Variants in DGKB observed in about 807,000 individuals in gnomAD.
DGKB encodes 90 kDa diacylglycerol kinase.
A neutral mutation model predicts 114.3 loss-of-function variants in DGKB; 67 were observed. The ratio of observed to expected loss-of-function variants is 0.59; its 90% CI spans 0.48 to 0.72. DGKB has a LOEUF of 0.72. Among genes scored for constraint, DGKB ranks in the 30% least tolerant of loss-of-function variants. The pLI, the probability that DGKB is intolerant of heterozygous loss-of-function variation, is 0.00. For missense variants in DGKB, 907 were observed against 975.2 expected, an observed-to-expected ratio of 0.93 and a Z score of 0.93; for synonymous variants, 398 against 323.1, an observed-to-expected ratio of 1.23 and a Z score of -2.49.
chr7:14,644,679 G>C (rs975507580), intron 13 of DGKB, among the ~76,000 whole-genome samples: 1 of 152,084 alleles, frequency 6.6e-6, no homozygotes, highest in African/African-American at 2.4e-5. Context: ...TTTTTAAAAA[G>C]AGTGAAGAAA....
At chr7:14,701,642 C>T (rs776659568) in intron 7 of DGKB, 39 bp downstream of exon 7, 5 of 1,458,508 alleles carry the variant, frequency 3.4e-6, no homozygotes, top group Non-Finnish European at 4.8e-6. Context: ...AGAAGAAAAT[C>T]TTTGAAGTTT....
intron 23 of DGKB, among the ~76,000 whole-genome samples, chr7:14,224,346 T>A (rs1470817057): frequency 6.6e-6 from 1 of 152,082 alleles, no homozygotes; most frequent in South Asian, 2.1e-4. Context: ...AAATAGTTTC[T>A]ATTTTTATGT....
At chr7:14,893,938 G>A (rs189784459) in intron 1 of DGKB, among the ~76,000 whole-genome samples, 8 of 151,014 alleles carry the variant, frequency 5.3e-5, no homozygotes, top group African/African-American at 4.9e-5. Context: ...TGTCAAAATC[G>A]GGTTCTGTTC....
At chr7:14,186,626 CATCA>C (rs1456334787) in intron 23 of DGKB, among the ~76,000 whole-genome samples, 1 of 152,162 alleles carries the variant, frequency 6.6e-6, no homozygotes, top group Non-Finnish European at 1.5e-5. Flanking sequence ...CCCAAATGCC[CATCA>C]ATCAAAGAGT....
At chr7:14,303,422 T>C (rs756825728) in intron 23 of DGKB, among the ~76,000 whole-genome samples, 1 of 152,188 alleles carries the variant, frequency 6.6e-6, no homozygotes, top group Non-Finnish European at 1.5e-5. Context: ...TAGCCTTAAA[T>C]TAATAAACTA....
rs554864995 is a variant in DGKB, at chr7:14,520,754, A to T, written c.1771-42529T>A. On this transcript the variant is annotated intron_variant, in intron 20 of 25. Transcript: ENST00000402815. ...TGTGAAACAGTAAATGGTTTCTAAT[A>T]GAAAATGTTCCACAAGTGCTTGAAC... Among the ~76,000 whole-genome samples the T allele has an allele frequency of 1.6e-4, 24 of 152,214 alleles. No individual in the cohort carries two copies. The South Asian group carries it at 5.0e-3, about 32-fold the overall frequency.
chr7:14,351,963 A>C (rs1184004832), intron 21 of DGKB, among the ~76,000 whole-genome samples: 1 of 152,202 alleles, frequency 6.6e-6, no homozygotes, highest in Non-Finnish European at 1.5e-5. Flanking sequence ...CACAGCTATA[A>C]TCACTGCAGT....
intron 1 of DGKB, among the ~76,000 whole-genome samples, chr7:14,943,673 A>C (rs1486368701): frequency 7.3e-6 from 1 of 137,902 alleles, no homozygotes; most frequent in Non-Finnish European, 1.6e-5. Flanking sequence ...CTGTGTTTCC[A>C]CAGTAGCTAC....
intron 17 of DGKB, among the ~76,000 whole-genome samples, chr7:14,585,138 C>T (rs985958561): frequency 2.6e-5 from 4 of 152,060 alleles, no homozygotes; most frequent in African/African-American, 4.8e-5. Flanking sequence ...ATATTTAGAA[C>T]AGGAAACTTT....
rs555832793 is a variant in DGKB at position 14,170,205 on chromosome 7, T to G, written c.2304+6634A>C. Among the ~76,000 whole-genome samples the G allele has an allele frequency of 5.8e-3, 762 of 131,160 alleles. 1 individual carries two copies. The highest frequency in any genetic ancestry group is 9.9e-3 in the Non-Finnish European group (570 of 57,416). 86.0% of individuals were successfully genotyped at this position (131,160 alleles called of 152,430 possible). A position where few individuals can be genotyped will look rare whatever the true frequency, so the allele number is the denominator to read the frequency against. On this transcript the variant is annotated intron_variant, in intron 25 of 25. Transcript: ENST00000402815. ...AGAAAGAAAGAAAGAAAGAAAGAAATACATTAAGCCTCTGAAGAGTGACTG... is the reference window on the plus strand; with the variant it reads ...AGAAAGAAAGAAAGAAAGAAAGAAAGACATTAAGCCTCTGAAGAGTGACTG...
intron 21 of DGKB, among the ~76,000 whole-genome samples, chr7:14,461,424 C>T (rs1051695131): frequency 6.6e-6 from 1 of 151,734 alleles, no homozygotes; most frequent in African/African-American, 2.4e-5. Flanking sequence ...AAGGGGATAT[C>T]AGCACTGATC....
intron 13 of DGKB, among the ~76,000 whole-genome samples, chr7:14,666,107 GCTT>G (rs979615685): frequency 2.0e-5 from 3 of 151,870 alleles, no homozygotes; most frequent in Non-Finnish European, 2.9e-5. Context: ...TTAATTATAA[GCTT>G]CTTAAGTACC....
At chr7:14,682,516 G>A (rs756913383) in intron 12 of DGKB, 37 bp downstream of exon 12, 2 of 1,392,748 alleles carry the variant, frequency 1.4e-6, no homozygotes, top group African/African-American at 1.4e-5. Context: ...CTTCAGTGTG[G>A]GTGAATGCTG....
At chr7:14,744,689 C>T (rs1163293179) in intron 4 of DGKB, among the ~76,000 whole-genome samples, 1 of 152,094 alleles carries the variant, frequency 6.6e-6, no homozygotes, top group Non-Finnish European at 1.5e-5. Context: ...AACTGTCAGG[C>T]CAAGTATAAG....
chr7:14,565,904 C>T lies in DGKB; in HGVS notation c.1770+8308G>A, dbSNP rs190953093. ...AACTGAGCTTCCTTTAAGTGAGCAG[C>T]CAGATTAATATTTTTTCTTCATAAA... On this transcript the variant is annotated intron_variant, in intron 20 of 25. Transcript: ENST00000402815. 8.3e-4 allele frequency among the ~76,000 whole-genome samples: 127 copies of T among 152,110 alleles called. 1 individual carries two copies. Among genetic ancestry groups the T allele is most frequent in the African/African-American group, 2.9e-3 (120 of 41,498 alleles).
intron 23 of DGKB, among the ~76,000 whole-genome samples, chr7:14,268,263 C>T (rs902732212): frequency 6.6e-6 from 1 of 152,014 alleles, no homozygotes; most frequent in Non-Finnish European, 1.5e-5. Flanking sequence ...TCAAATATTT[C>T]TCTCACATCA....
chr7:14,957,289 GAAGA>G (rs1332303234), intron 1 of DGKB, among the ~76,000 whole-genome samples: 1 of 151,924 alleles, frequency 6.6e-6, no homozygotes, highest in East Asian at 1.9e-4. Flanking sequence ...GATACACCAA[GAAGA>G]AAGACTTAGA....
chr7:14,970,214 A>G (rs1787376896), intron 1 of DGKB, among the ~76,000 whole-genome samples: 1 of 152,164 alleles, frequency 6.6e-6, no homozygotes, highest in African/African-American at 2.4e-5. Context: ...CAATGATGAT[A>G]ATGACGATGA....
At chr7:14,584,646 CT>C (rs1036340906) in intron 17 of DGKB, among the ~76,000 whole-genome samples, 1 of 151,726 alleles carries the variant, frequency 6.6e-6, no homozygotes, top group Admixed American at 6.6e-5. Context: ...ATTGAATTGC[CT>C]TTTTATTTTT....
Sources: gnomAD v4.1 joint callset for allele counts (sites outside exome capture counted in the v4.1 genomes callset) on GRCh38, gnomAD v4.1.1 for gene constraint, MANE v1.5 for transcripts, NCBI Gene and HGNC (gene_info 2026-07-23, HGNC 2026-07-21) for gene names.